The following CACNA1C variants were observed in gnomAD, a reference collection of about 807,000 sequenced individuals.
The protein encoded by CACNA1C is calcium voltage-gated channel subunit alpha1 C, also known as voltage-dependent L-type calcium channel subunit alpha-1C.
CACNA1C carries 30 observed loss-of-function variants against 229.0 expected under a neutral mutation model. The ratio of observed to expected loss-of-function variants is 0.13; its 90% CI spans 0.10 to 0.18. The LOEUF (loss-of-function observed/expected upper bound fraction) is 0.18, where lower values mean the gene tolerates loss of function less well. Ranked by LOEUF, CACNA1C falls within the 10% of genes least tolerant of loss-of-function variation. CACNA1C has a pLI of 1.00. For synonymous variants in CACNA1C, 1,114 were observed against 1,132.5 expected (o/e 0.98, Z 0.33); for missense variants, 1,658 against 2,845.0 (o/e 0.58, Z 9.49).
chr12:2,359,141 G>T (rs1223292124), intron 3 of CACNA1C, among the ~76,000 whole-genome samples: 2 of 152,184 alleles, frequency 1.3e-5, no homozygotes, highest in East Asian at 3.8e-4. Context: ...ACCATTGTCA[G>T]CAGGGGTCAG....
chr12:2,679,652 TCAACAACGC>T lies in CACNA1C; in HGVS notation c.5308_5316del (p.Ala1770_Asn1772del). ...TCGTCCACCGGCTCCAACGCCAACA[TCAACAACGC>T]CAACAACACCGCCCTGGGTCGCCTC... is the stretch of plus-strand genomic sequence containing the variant. On this transcript the variant is annotated inframe_deletion, in exon 42 of 47. Transcript: ENST00000399655. This position sits in a 1 kb window ranked among gnomAD's most constrained non-coding sequence, Gnocchi z 5.5. 6.2e-7 allele frequency: 1 copy of T among 1,613,706 alleles called. No individual in the cohort carries two copies.
intron 3 of CACNA1C, among the ~76,000 whole-genome samples, chr12:2,150,837 T>G (rs1333230033): frequency 6.6e-6 from 1 of 152,230 alleles, no homozygotes; most frequent in African/African-American, 2.4e-5. Flanking sequence ...ATAACAATCT[T>G]TTCCATTAGT....
intron 30 of CACNA1C, among the ~76,000 whole-genome samples, chr12:2,644,305 C>T (rs1419978098): frequency 3.3e-5 from 5 of 152,068 alleles, no homozygotes; most frequent in African/African-American, 7.2e-5. Flanking sequence ...ATCAGCCTGC[C>T]AAGGAGAATG....
At chr12:2,056,186 AGTGTGTGTGAGTGTGT>A (rs1160913617) in intron 1 of CACNA1C, among the ~76,000 whole-genome samples, 1 of 103,480 alleles carries the variant, frequency 9.7e-6, no homozygotes, top group Non-Finnish European at 1.9e-5. Context: ...TGCATGTGTG[AGTGTGTGTGAGTGTGT>A]GTGTGTGTGT....
intron 5 of CACNA1C, among the ~76,000 whole-genome samples, chr12:2,481,115 C>T (rs934716840): frequency 6.6e-6 from 1 of 152,344 alleles, no homozygotes; most frequent in South Asian, 2.1e-4. Context: ...CATTTTCATA[C>T]TCTTTTGTGA....
chr12:2,103,689 CTAGGGTT>C (rs2077212999), intron 1 of CACNA1C, among the ~76,000 whole-genome samples: 1 of 152,000 alleles, frequency 6.6e-6, no homozygotes, highest in South Asian at 2.1e-4. Context: ...AGGTTTTCTT[CTAGGGTT>C]TTTACGGTTT....
At chr12:2,640,127 C>G (rs963792318) in intron 30 of CACNA1C, among the ~76,000 whole-genome samples, 1 of 152,192 alleles carries the variant, frequency 6.6e-6, no homozygotes, top group Non-Finnish European at 1.5e-5. Flanking sequence ...TACACATGAT[C>G]GGATGAAACC....
At chr12:2,143,870 C>T (rs1248612626) in intron 3 of CACNA1C, among the ~76,000 whole-genome samples, 2 of 150,410 alleles carry the variant, frequency 1.3e-5, no homozygotes, top group South Asian at 2.1e-4. Flanking sequence ...CACCCCAATG[C>T]CCACCCTTTC....
At chr12:2,307,485 G>A (rs1317235634) in intron 3 of CACNA1C, among the ~76,000 whole-genome samples, 1 of 152,186 alleles carries the variant, frequency 6.6e-6, no homozygotes, top group African/African-American at 2.4e-5. Context: ...TCTTTCGGCT[G>A]CATAGCTCTA....
chr12:2,164,304 C>T (rs536200664), intron 3 of CACNA1C, among the ~76,000 whole-genome samples: 2 of 152,300 alleles, frequency 1.3e-5, no homozygotes, highest in Admixed American at 6.5e-5. Flanking sequence ...TGAAGGCTGA[C>T]GGTTCACTGA....
At chr12:2,226,581 C>G (rs553430671) in intron 3 of CACNA1C, among the ~76,000 whole-genome samples, 5 of 152,348 alleles carry the variant, frequency 3.3e-5, no homozygotes, top group African/African-American at 1.2e-4. Context: ...TTTTAAATTA[C>G]TATTTTGTGT....
At chr12:2,523,167 A>G (rs1275448203) in intron 9 of CACNA1C, among the ~76,000 whole-genome samples, 1 of 150,366 alleles carries the variant, frequency 6.7e-6, no homozygotes, top group Admixed American at 6.7e-5. Context: ...TGGTGCTGGT[A>G]GTAGGGCATG....
Position 2,668,928 on chromosome 12 carries a change from T to C in CACNA1C, c.4624-5T>C, listed in dbSNP as rs2096393303. The C allele has an allele frequency of 6.2e-7, 1 of 1,609,952 alleles. No individual in the cohort carries two copies. The highest frequency in any genetic ancestry group is 8.5e-7 in the Non-Finnish European group (1 of 1,176,302). On this transcript the variant is annotated splice_polypyrimidine_tract_variant and splice_region_variant and intron_variant, in intron 37 of 46. Coordinates refer to ENST00000399655, the MANE Select transcript of CACNA1C (RefSeq NM_000719.7). ...ATCACCAGCTTTGCTTCTCTTCGCCTGCAGCGCCTGGTCTCCATGAACATG... is the reference window on the plus strand; with the variant it reads ...ATCACCAGCTTTGCTTCTCTTCGCCCGCAGCGCCTGGTCTCCATGAACATG...
intron 34 of CACNA1C, among the ~76,000 whole-genome samples, chr12:2,656,552 T>C (rs564283442): frequency 6.6e-6 from 1 of 152,356 alleles, no homozygotes; most frequent in East Asian, 1.9e-4. Flanking sequence ...AATGCCAATG[T>C]CATTTTTTAT....
intron 1 of CACNA1C, among the ~76,000 whole-genome samples, chr12:2,081,921 T>C (rs549841474): frequency 6.6e-6 from 1 of 152,278 alleles, no homozygotes; most frequent in Admixed American, 6.5e-5. Flanking sequence ...TAACAACTAA[T>C]ATATGCGGAG....
intron 1 of CACNA1C, among the ~76,000 whole-genome samples, chr12:2,044,481 C>A (rs574286162): frequency 6.6e-6 from 1 of 152,158 alleles, no homozygotes; most frequent in Non-Finnish European, 1.5e-5. Context: ...GTAACTTCCC[C>A]GCCCCCAGGT....
chr12:2,312,829 G>A (rs1470735627), intron 3 of CACNA1C, among the ~76,000 whole-genome samples: 1 of 151,774 alleles, frequency 6.6e-6, no homozygotes, highest in African/African-American at 2.4e-5. Flanking sequence ...TTTTTTACAT[G>A]AATGACTGTT....
At position 2,349,616 on chromosome 12, in the gene CACNA1C, T is replaced by C. The variant is rs146894206; in HGVS notation, c.478-99360T>C. ...GCATTGCCATGGGTGTGAAAGGTGG[T>C]GTCTGGACTCAGGAGGAAGGTACTG... is the stretch of plus-strand genomic sequence containing the variant. On this transcript the variant is annotated intron_variant, in intron 3 of 46. Coordinates refer to ENST00000399655, the MANE Select transcript of CACNA1C (RefSeq NM_000719.7). Among the ~76,000 whole-genome samples, 628 of 152,066 alleles carry C rather than the reference T, an allele frequency of 4.1e-3. 3 individuals carry two copies. The highest frequency in any genetic ancestry group is 6.9e-3 in the Non-Finnish European group (470 of 67,980).
At chr12:2,177,597 CTT>C in intron 3 of CACNA1C, among the ~76,000 whole-genome samples, 1 of 92,324 alleles carries the variant, frequency 1.1e-5, no homozygotes, top group African/African-American at 6.0e-5. Flanking sequence ...CCCTTCCTTC[CTT>C]CCTTCCTTCC....
Sources: gnomAD v4.1 joint callset for allele counts (sites outside exome capture counted in the v4.1 genomes callset) on GRCh38, gnomAD v4.1.1 for gene constraint, Gnocchi (gnomAD v3.1) non-coding constraint, MANE v1.5 for transcripts, NCBI Gene and HGNC (gene_info 2026-07-23, HGNC 2026-07-21) for gene names.